PPP6R2: variants seen among roughly 807,000 people sequenced by gnomAD.
PPP6R2 encodes protein phosphatase 6 regulatory subunit 2, also known as serine/threonine-protein phosphatase 6 regulatory subunit 2.
PPP6R2 carries 62 observed loss-of-function variants against 100.2 expected under a neutral mutation model. The observed-to-expected ratio is 0.62, with a 90% CI of 0.50 to 0.76. The LOEUF (loss-of-function observed/expected upper bound fraction) is 0.76. PPP6R2 is among the 30% of genes least tolerant of loss of function. The probability of loss-of-function intolerance (pLI) is 0.00; values close to 1 mark genes in which losing one functional copy is unlikely to be tolerated. For missense variants in PPP6R2, 1,142 were observed against 1,276.3 expected (o/e 0.89, Z 1.60); for synonymous variants, 525 against 514.7 (o/e 1.02, Z -0.27).
intron 3 of PPP6R2, among the ~76,000 whole-genome samples, chr22:50,400,255 C>T (rs1254708958): frequency 6.6e-6 from 1 of 152,238 alleles, no homozygotes; most frequent in African/African-American, 2.4e-5. Context: ...GGGCCACTGA[C>T]CATCCACTCC....
At chr22:50,398,129 T>C (rs2057392089) in intron 3 of PPP6R2, among the ~76,000 whole-genome samples, 1 of 151,140 alleles carries the variant, frequency 6.6e-6, no homozygotes, top group Admixed American at 6.6e-5. Context: ...GCCCAGGAGT[T>C]GAAGACCAGC....
intron 1 of PPP6R2, among the ~76,000 whole-genome samples, chr22:50,371,323 A>T (rs1001201261): frequency 6.6e-6 from 1 of 152,052 alleles, no homozygotes; most frequent in Non-Finnish European, 1.5e-5. Flanking sequence ...TAAGTTCGGC[A>T]TCAGTATGGT....
rs561042162 is a variant in PPP6R2 at position 50,384,647 on chromosome 22, G to A, written c.-16-9246G>A. Among the ~76,000 whole-genome samples, 24 of 152,384 alleles carry A rather than the reference G, an allele frequency of 1.6e-4. 1 individual carries two copies. Among genetic ancestry groups the A allele is most frequent in the Admixed American group, 1.3e-3 (20 of 15,306 alleles). On this transcript the variant is annotated intron_variant, in intron 2 of 23. Coordinates refer to ENST00000612753, the MANE Select transcript of PPP6R2 (RefSeq NM_001242898.2). Reference sequence around the variant, plus strand: ...CATATCTGGTGGGGGCCTTCTTGCTGCTGGGGACACTGTGGTGGCCCAAGG... The same window carrying A: ...CATATCTGGTGGGGGCCTTCTTGCTACTGGGGACACTGTGGTGGCCCAAGG...
chr22:50,385,304 T>C (rs1034419037), intron 2 of PPP6R2, among the ~76,000 whole-genome samples: 2 of 152,084 alleles, frequency 1.3e-5, no homozygotes, highest in Non-Finnish European at 2.9e-5. Context: ...CAAGCGATTC[T>C]TGTGCCTCAG....
At chr22:50,415,962 G>A (rs1603307298) in intron 5 of PPP6R2, 130 bp from the exon 6 acceptor site, 3 of 789,990 alleles carry the variant, frequency 3.8e-6, no homozygotes, top group Middle Eastern at 5.4e-4. Context: ...GTTCTTTCTG[G>A]GTCTGGGGTG....
chr22:50,337,358 G>T, the PPP6R2 span, among the ~76,000 whole-genome samples: 15 of 132,982 alleles, frequency 1.1e-4, no homozygotes, highest in African/African-American at 3.6e-4. Context: ...GTGGTGTGTG[G>T]GTGTGTGTGT....
Position 50,434,965 on chromosome 22 carries a change from G to T in PPP6R2, c.1401-1G>T. On this transcript the variant is annotated splice_acceptor_variant, in intron 12 of 23. Transcript: ENST00000612753. LOFTEE classifies it high-confidence loss of function. ...GCCCCGATGGTGCCTGTTGCTTTCAGGGCAGCGGGTGGCATGAGACGTGGG... is the reference window on the plus strand; with the variant it reads ...GCCCCGATGGTGCCTGTTGCTTTCATGGCAGCGGGTGGCATGAGACGTGGG... 1 of 1,602,384 alleles carries T rather than the reference G, an allele frequency of 6.2e-7. No individual in the cohort carries two copies. Among genetic ancestry groups the T allele is most frequent in the South Asian group, 1.1e-5 (1 of 90,692 alleles).
chr22:50,430,254 GC>G lies in PPP6R2; in HGVS notation c.1126-916del, dbSNP rs1207488983. On this transcript the variant is annotated intron_variant, in intron 10 of 23. Transcript: ENST00000612753. ...TGGCCAGAACCACCTCTGGGCTTCA[GC>G]CCATGCTGGTTAAGTCTGGGCTCCC... 7.2e-5 allele frequency among the ~76,000 whole-genome samples: 11 copies of G among 152,368 alleles called. No individual in the cohort carries two copies. In the East Asian group the frequency reaches 2.1e-3, roughly 29 times the overall value.
At chr22:50,407,344 CAAA>C in intron 4 of PPP6R2, 1 of 158,244 alleles carries the variant, frequency 6.3e-6, no homozygotes, top group East Asian at 1.9e-4. Context: ...GAGACTGTCT[CAAA>C]AAAAAGAAGG....
intron 2 of PPP6R2, among the ~76,000 whole-genome samples, chr22:50,383,332 T>G (rs1380173999): frequency 6.6e-6 from 1 of 152,198 alleles, no homozygotes; most frequent in African/African-American, 2.4e-5. Context: ...AGAAAGTGTT[T>G]TCATTTCGAG....
intron 1 of PPP6R2, among the ~76,000 whole-genome samples, chr22:50,361,576 G>T (rs1384253746): frequency 6.6e-6 from 1 of 151,784 alleles, no homozygotes; most frequent in Non-Finnish European, 1.5e-5. Context: ...GCTGCTTTTT[G>T]GTGCTGTTTT....
intron 3 of PPP6R2, 61 bp downstream of exon 3, chr22:50,394,196 A>G (rs2056239736): frequency 1.3e-6 from 2 of 1,594,122 alleles, no homozygotes; most frequent in East Asian, 2.2e-5. Flanking sequence ...GGCCGCAGGC[A>G]GTGTCTGAGG....
chr22:50,411,563 G>A (rs1226000781), intron 4 of PPP6R2, among the ~76,000 whole-genome samples: 2 of 151,756 alleles, frequency 1.3e-5, no homozygotes, highest in Admixed American at 1.3e-4. Flanking sequence ...GACCAGCCTG[G>A]CCCAACATGG....
chr22:50,410,695 A>G (rs1393559261), intron 4 of PPP6R2, among the ~76,000 whole-genome samples: 3 of 152,060 alleles, frequency 2.0e-5, no homozygotes, highest in Non-Finnish European at 2.9e-5. Context: ...TGATCAATGT[A>G]TCATATTCAC....
At position 50,423,632 on chromosome 22, in the gene PPP6R2, C is replaced by G; in HGVS notation, c.1125+18C>G. 3.7e-6 allele frequency: 6 copies of G among 1,613,738 alleles called. No individual in the cohort carries two copies. Among genetic ancestry groups the G allele is most frequent in the Non-Finnish European group, 3.4e-6 (4 of 1,179,884 alleles). ...TACTGCTGGTAAGTGGGCCCCTCAGCCAGCCCTGCATGTCTGTGAGTGTGC... is the reference window on the plus strand; with the variant it reads ...TACTGCTGGTAAGTGGGCCCCTCAGGCAGCCCTGCATGTCTGTGAGTGTGC... On this transcript the variant is annotated intron_variant, in intron 10 of 23. Coordinates refer to ENST00000612753, the MANE Select transcript of PPP6R2 (RefSeq NM_001242898.2). The surrounding 1 kb of genome is among the most constrained non-coding windows in gnomAD (Gnocchi z 4.8).
intron 1 of PPP6R2, among the ~76,000 whole-genome samples, chr22:50,347,405 C>T (rs1389999480): frequency 2.0e-5 from 3 of 151,956 alleles, no homozygotes; most frequent in African/African-American, 4.8e-5. Context: ...CTTTTCCTGT[C>T]GCGCTCCCCA....
At chr22:50,434,343 C>A (rs1364409846) in intron 12 of PPP6R2, among the ~76,000 whole-genome samples, 4 of 54,196 alleles carry the variant, frequency 7.4e-5, no homozygotes. Flanking sequence ...GGAGGAGGGC[C>A]GGGGGCATGG....
chr22:50,365,678 CAA>C (rs1199182923), intron 1 of PPP6R2, among the ~76,000 whole-genome samples: 24 of 78,672 alleles, frequency 3.1e-4, no homozygotes, highest in Admixed American at 6.7e-4. Context: ...GACTCTGTCT[CAA>C]AAAAAAAAAA....
chr22:50,412,960 T>G (rs796813776), intron 4 of PPP6R2, among the ~76,000 whole-genome samples: 1 of 149,228 alleles, frequency 6.7e-6, no homozygotes, highest in Non-Finnish European at 1.5e-5. Context: ...AAGTCCTTTT[T>G]TTTTTGTTTT....
Sources: gnomAD v4.1 joint callset for allele counts (sites outside exome capture counted in the v4.1 genomes callset) on GRCh38, gnomAD v4.1.1 for gene constraint, Gnocchi (gnomAD v3.1) non-coding constraint, MANE v1.5 for transcripts, NCBI Gene and HGNC (gene_info 2026-07-23, HGNC 2026-07-21) for gene names.